The following SDK1 variants were observed in gnomAD, a reference collection of about 807,000 sequenced individuals.
The protein encoded by SDK1 is protein sidekick-1.
In SDK1, 157 loss-of-function variants were observed where a neutral mutation model predicts 245.5. The ratio of observed to expected loss-of-function variants is 0.64; its 90% CI spans 0.56 to 0.73. The LOEUF (loss-of-function observed/expected upper bound fraction) is 0.73. Among genes scored for constraint, SDK1 ranks in the 30% least tolerant of loss-of-function variants. SDK1 has a pLI of 0.00. For synonymous variants in SDK1, 1,647 were observed against 1,278.5 expected, an observed-to-expected ratio of 1.29 and a Z score of -6.15; for missense variants, 3,583 against 3,002.3, an observed-to-expected ratio of 1.19 and a Z score of -4.52.
chr7:4,262,108 C>T (rs1294094424), intron 44 of SDK1, among the ~76,000 whole-genome samples: 3 of 131,698 alleles, frequency 2.3e-5, no homozygotes, highest in East Asian at 2.3e-4. Context: ...CGGCTCACTG[C>T]AACCTCAAGA....
At chr7:3,780,551 A>G (rs1040434992) in intron 4 of SDK1, among the ~76,000 whole-genome samples, 1 of 152,106 alleles carries the variant, frequency 6.6e-6, no homozygotes, top group Non-Finnish European at 1.5e-5. Context: ...AGGAATTTCT[A>G]CCTAGCCTGA....
At chr7:3,412,705 G>T (rs1779246951) in intron 1 of SDK1, among the ~76,000 whole-genome samples, 1 of 152,136 alleles carries the variant, frequency 6.6e-6, no homozygotes, top group Admixed American at 6.5e-5. Flanking sequence ...CTTCTCCATA[G>T]GTTGCGAGTG....
chr7:4,074,172 C>G (rs1041351328), intron 20 of SDK1, among the ~76,000 whole-genome samples: 1 of 152,046 alleles, frequency 6.6e-6, no homozygotes, highest in African/African-American at 2.4e-5. Flanking sequence ...ACGAGCTATT[C>G]TGCAGGATAG....
chr7:3,791,831 C>T (rs1158464924), intron 4 of SDK1, among the ~76,000 whole-genome samples: 1 of 152,148 alleles, frequency 6.6e-6, no homozygotes, highest in Admixed American at 6.5e-5. Context: ...ATTGCTTTGA[C>T]ACTGGCATGG....
chr7:3,553,857 G>A (rs1039247739), intron 1 of SDK1, among the ~76,000 whole-genome samples: 4 of 152,136 alleles, frequency 2.6e-5, no homozygotes, highest in African/African-American at 9.7e-5. Flanking sequence ...GGGACACTGG[G>A]CATTAGGCCT....
chr7:3,735,541 C>T (rs1266141758), intron 4 of SDK1, among the ~76,000 whole-genome samples: 1 of 152,172 alleles, frequency 6.6e-6, no homozygotes, highest in Admixed American at 6.5e-5. Flanking sequence ...ATGCATAGGG[C>T]ACGGTGTGTT....
intron 38 of SDK1, among the ~76,000 whole-genome samples, chr7:4,215,070 T>C (rs75050209): frequency 0.089 from 13,578 of 152,170 alleles, 622 homozygotes; most frequent in Middle Eastern, 0.13. Context: ...ACCCTGGCGC[T>C]CGCCTGCCTC....
rs189059476 is a variant in SDK1 at position 4,108,595 on chromosome 7, G to A, written c.3325-2068G>A. Among the ~76,000 whole-genome samples, 35 of 152,174 alleles carry A rather than the reference G, an allele frequency of 2.3e-4. No homozygotes were observed. In the East Asian group the frequency reaches 4.1e-3, roughly 18 times the overall value. On this transcript the variant is annotated intron_variant, in intron 22 of 44. Transcript: ENST00000404826. ...GACTTCCGGGGTATTCATTATCTACGCTGACCTCCAGCTCGTTCTCTACCA... is the reference window on the plus strand; with the variant it reads ...GACTTCCGGGGTATTCATTATCTACACTGACCTCCAGCTCGTTCTCTACCA...
chr7:3,744,655 C>G (rs1779566359), intron 4 of SDK1, among the ~76,000 whole-genome samples: 1 of 151,626 alleles, frequency 6.6e-6, no homozygotes, highest in African/African-American at 2.4e-5. Context: ...ACTACAAATA[C>G]AAAAAAATTA....
intron 1 of SDK1, among the ~76,000 whole-genome samples, chr7:3,501,555 T>C (rs537815078): frequency 2.3e-4 from 35 of 152,138 alleles, no homozygotes; most frequent in Admixed American, 5.9e-4. Context: ...AAAGGTGATT[T>C]AGTCATACAA....
At chr7:3,755,597 C>A (rs906551762) in intron 4 of SDK1, among the ~76,000 whole-genome samples, 1 of 152,146 alleles carries the variant, frequency 6.6e-6, no homozygotes, top group African/African-American at 2.4e-5. Context: ...AGTCTGATAA[C>A]CACCTCCACA....
At chr7:3,609,217 C>G (rs1029518103) in intron 1 of SDK1, among the ~76,000 whole-genome samples, 3 of 152,080 alleles carry the variant, frequency 2.0e-5, no homozygotes, top group Admixed American at 6.5e-5. Flanking sequence ...GTCACATAAA[C>G]AAGAATTTAG....
intron 32 of SDK1, among the ~76,000 whole-genome samples, chr7:4,163,431 C>T (rs1289048902): frequency 6.6e-6 from 1 of 152,146 alleles, no homozygotes; most frequent in Non-Finnish European, 1.5e-5. Flanking sequence ...CACATGCCCT[C>T]CGCCGGTGCA....
chr7:3,450,783 TTGCATAGA>T (rs1380247152), intron 1 of SDK1, among the ~76,000 whole-genome samples: 2 of 151,872 alleles, frequency 1.3e-5, no homozygotes, highest in East Asian at 3.9e-4. Flanking sequence ...GTATATGAAA[TTGCATAGA>T]TGGAATAATT....
chr7:3,430,020 C>T (rs1021268694), intron 1 of SDK1, among the ~76,000 whole-genome samples: 3 of 152,234 alleles, frequency 2.0e-5, no homozygotes, highest in Non-Finnish European at 2.9e-5. Flanking sequence ...CACTGTGTGA[C>T]ATATTACATT....
intron 17 of SDK1, among the ~76,000 whole-genome samples, chr7:4,048,245 G>A (rs2128165315): frequency 6.6e-6 from 1 of 152,228 alleles, no homozygotes; most frequent in Non-Finnish European, 1.5e-5. Context: ...TTTAGAACAA[G>A]CACCTGAAGA....
chr7:3,348,982 GC>G (rs1176919950), intron 1 of SDK1, among the ~76,000 whole-genome samples: 2 of 152,156 alleles, frequency 1.3e-5, no homozygotes, highest in African/African-American at 4.8e-5. Context: ...CCTGGAGTGT[GC>G]CCCTCACGTT....
chr7:3,590,425 T>G (rs896081918), intron 1 of SDK1, among the ~76,000 whole-genome samples: 6 of 152,014 alleles, frequency 3.9e-5, no homozygotes, highest in African/African-American at 1.5e-4. Context: ...ATTTTTTAGT[T>G]TTACATCATG....
At chr7:3,929,018 A>C (rs1047852153) in intron 5 of SDK1, among the ~76,000 whole-genome samples, 6 of 152,208 alleles carry the variant, frequency 3.9e-5, no homozygotes, top group African/African-American at 1.4e-4. Context: ...ATTCTTTCTC[A>C]GTGTCACCAG....
Sources: gnomAD v4.1 joint callset for allele counts (sites outside exome capture counted in the v4.1 genomes callset) on GRCh38, gnomAD v4.1.1 for gene constraint, MANE v1.5 for transcripts, NCBI Gene and HGNC (gene_info 2026-07-23, HGNC 2026-07-21) for gene names.